Variants in EYA4 observed in about 807,000 individuals in gnomAD.
EYA4 encodes EYA transcriptional coactivator and phosphatase 4.
Under a neutral mutation model 87.9 loss-of-function variants are expected in EYA4, and 31 were observed. That is an observed-to-expected ratio of 0.35 (90% CI 0.27 to 0.48). EYA4 has a LOEUF of 0.48. Among genes scored for constraint, EYA4 ranks in the 20% least tolerant of loss-of-function variants. EYA4 has a pLI of 0.99. For missense variants in EYA4, 678 were observed against 761.4 expected (o/e 0.89, Z 1.29); for synonymous variants, 263 against 270.6 (o/e 0.97, Z 0.28).
At chr6:133,302,062 C>A (rs1165811622) in intron 2 of EYA4, among the ~76,000 whole-genome samples, 2 of 152,102 alleles carry the variant, frequency 1.3e-5, no homozygotes, top group Admixed American at 6.6e-5. Flanking sequence ...ACAGAATTTG[C>A]AAAGCAGCAG....
chr6:133,390,583 G>C (rs7760570), intron 3 of EYA4, among the ~76,000 whole-genome samples: 2 of 151,940 alleles, frequency 1.3e-5, no homozygotes, highest in African/African-American at 4.8e-5. Context: ...TCTACCTATC[G>C]TTCCAAACTG....
rs536439438 is a variant in EYA4, at chr6:133,254,251, T to C, written c.-66+12502T>C. Among the ~76,000 whole-genome samples the C allele has an allele frequency of 8.3e-4, 127 of 152,316 alleles. 1 individual carries two copies. Among genetic ancestry groups the C allele is most frequent in the African/African-American group, 3.0e-3 (124 of 41,578 alleles). The stretch of plus-strand genomic sequence containing the variant: ...ACAGACCTTGATCTCTTTGGTTGCC[T>C]TCTGCTAAGATCGATTTCATGTTAT... On this transcript the variant is annotated intron_variant, in intron 1 of 19. Coordinates refer to ENST00000355286, the MANE Select transcript of EYA4 (RefSeq NM_004100.5).
intron 2 of EYA4, among the ~76,000 whole-genome samples, chr6:133,381,507 T>G (rs1467741909): frequency 2.0e-5 from 3 of 152,184 alleles, no homozygotes; most frequent in Admixed American, 2.0e-4. Context: ...AATTTTTTTT[T>G]GCTTCCAAAC....
intron 2 of EYA4, among the ~76,000 whole-genome samples, chr6:133,342,728 G>C (rs573048785): frequency 3.6e-4 from 55 of 151,564 alleles, no homozygotes; most frequent in African/African-American, 1.3e-3. Context: ...TATTGACAAA[G>C]AGGATTTGAG....
intron 2 of EYA4, among the ~76,000 whole-genome samples, chr6:133,371,475 A>C (rs1004421233): frequency 6.6e-6 from 1 of 152,200 alleles, no homozygotes; most frequent in African/African-American, 2.4e-5. Context: ...AAAGTTCACT[A>C]AACCACTAAA....
At chr6:133,365,180 G>A (rs1340458787) in intron 2 of EYA4, among the ~76,000 whole-genome samples, 3 of 152,084 alleles carry the variant, frequency 2.0e-5, no homozygotes, top group Admixed American at 1.3e-4. Flanking sequence ...GATATTGATC[G>A]CTTGGTTGGG....
At chr6:133,275,196 T>A (rs532003592) in intron 2 of EYA4, among the ~76,000 whole-genome samples, 1 of 152,352 alleles carries the variant, frequency 6.6e-6, no homozygotes, top group African/African-American at 2.4e-5. Flanking sequence ...GCATGCTTGT[T>A]AGTCATTTTA....
chr6:133,414,885 A>T (rs1789572808), intron 3 of EYA4, among the ~76,000 whole-genome samples: 1 of 152,206 alleles, frequency 6.6e-6, no homozygotes, highest in African/African-American at 2.4e-5. Context: ...GGGTGACGTT[A>T]TATGTCAGTT....
intron 2 of EYA4, among the ~76,000 whole-genome samples, chr6:133,344,541 T>A (rs1327753738): frequency 6.6e-6 from 1 of 152,154 alleles, no homozygotes; most frequent in East Asian, 1.9e-4. Flanking sequence ...CATTTATACT[T>A]GGAACTGATC....
At chr6:133,459,000 A>C (rs930312005) in intron 6 of EYA4, among the ~76,000 whole-genome samples, 1 of 152,306 alleles carries the variant, frequency 6.6e-6, no homozygotes, top group Non-Finnish European at 1.5e-5. Flanking sequence ...AGTTTGTACA[A>C]GATATTCCAG....
chr6:133,497,099 A>G (rs2128742035), intron 13 of EYA4, among the ~76,000 whole-genome samples: 1 of 152,070 alleles, frequency 6.6e-6, no homozygotes, highest in Admixed American at 6.5e-5. Flanking sequence ...TGTGAAATGC[A>G]TTCTCTCATT....
At chr6:133,386,262 T>C (rs1161370794) in intron 3 of EYA4, among the ~76,000 whole-genome samples, 1 of 152,148 alleles carries the variant, frequency 6.6e-6, no homozygotes, top group East Asian at 1.9e-4. Flanking sequence ...TTTGTGTCAA[T>C]TTGGGTCCCA....
chr6:133,388,875 G>A (rs1787004128), intron 3 of EYA4, among the ~76,000 whole-genome samples: 1 of 152,038 alleles, frequency 6.6e-6, no homozygotes, highest in South Asian at 2.1e-4. Flanking sequence ...ACTTTTTCAT[G>A]TATAATCTCT....
intron 18 of EYA4, 110 bp from the exon 19 acceptor site, chr6:133,525,044 T>C: frequency 6.2e-7 from 1 of 1,613,646 alleles, no homozygotes; most frequent in Non-Finnish European, 8.5e-7. Context: ...GCGTATAGTG[T>C]CCAGATTTGG....
At chr6:133,516,610 G>T (rs1356003616) in intron 17 of EYA4, among the ~76,000 whole-genome samples, 3 of 151,294 alleles carry the variant, frequency 2.0e-5, no homozygotes, top group Non-Finnish European at 4.4e-5. Context: ...TGTAGTCCCA[G>T]CTACTCGGGA....
At chr6:133,255,492 C>G (rs1005372886) in intron 1 of EYA4, among the ~76,000 whole-genome samples, 4 of 151,918 alleles carry the variant, frequency 2.6e-5, no homozygotes, top group Admixed American at 1.3e-4. Flanking sequence ...GTTATACTTT[C>G]TTAAAAAGTT....
chr6:133,380,356 TG>T (rs375769912), intron 2 of EYA4, among the ~76,000 whole-genome samples: 1 of 152,220 alleles, frequency 6.6e-6, no homozygotes, highest in African/African-American at 2.4e-5. Context: ...CTGCCTTTAC[TG>T]TTACTACTTT....
At chr6:133,358,185 T>G (rs6917055) in intron 2 of EYA4, among the ~76,000 whole-genome samples, 6,369 of 152,210 alleles carry the variant, frequency 0.042, 428 homozygotes, top group African/African-American at 0.14. Flanking sequence ...AAACCCAAGT[T>G]TTTTTAGTGA....
At chr6:133,474,065 G>C (rs1795510973) in intron 11 of EYA4, among the ~76,000 whole-genome samples, 1 of 151,964 alleles carries the variant, frequency 6.6e-6, no homozygotes, top group Non-Finnish European at 1.5e-5. Flanking sequence ...CCCTGTGGAA[G>C]GTTTTTCTCA....
Sources: allele counts gnomAD v4.1 joint callset (sites outside exome capture counted in the v4.1 genomes callset), GRCh38; gene constraint gnomAD v4.1.1; transcripts MANE v1.5; gene names NCBI Gene and HGNC (gene_info 2026-07-23, HGNC 2026-07-21).